The following VAV2 variants were observed in gnomAD, a reference collection of about 807,000 sequenced individuals.
The protein encoded by VAV2 is guanine nucleotide exchange factor VAV2.
In VAV2, 67 loss-of-function variants were observed where a neutral mutation model predicts 132.5. The observed-to-expected ratio is 0.51, with a 90% CI of 0.42 to 0.62. The LOEUF is 0.62. Ranked by LOEUF, VAV2 falls within the 20% of genes least tolerant of loss-of-function variation. VAV2 has a pLI of 0.00. For synonymous variants in VAV2, 492 were observed against 443.5 expected (o/e 1.11, Z -1.37); for missense variants, 938 against 1,153.6 (o/e 0.81, Z 2.71).
intron 15 of VAV2, 59 bp from the exon 16 acceptor site, chr9:133,787,319 C>T (rs1185750045): frequency 4.6e-6 from 7 of 1,513,526 alleles, no homozygotes; most frequent in African/African-American, 2.8e-5. Flanking sequence ...TAAGCCCGGC[C>T]CTGTGGTGGG....
chr9:133,807,788 G>A (rs1011940892), intron 7 of VAV2, among the ~76,000 whole-genome samples: 10 of 152,238 alleles, frequency 6.6e-5, no homozygotes, highest in African/African-American at 9.6e-5. Flanking sequence ...TCTCCACCCC[G>A]AGGAGTGCCG....
intron 1 of VAV2, among the ~76,000 whole-genome samples, chr9:133,974,924 C>T (rs1842457206): frequency 6.6e-6 from 1 of 151,084 alleles, no homozygotes; most frequent in African/African-American, 2.4e-5. Context: ...AGGTCTGTAC[C>T]TTGTGGTACC....
intron 4 of VAV2, among the ~76,000 whole-genome samples, chr9:133,814,225 A>ACTGC (rs1409839601): frequency 6.6e-6 from 1 of 152,132 alleles, no homozygotes; most frequent in Non-Finnish European, 1.5e-5. Context: ...AGGTCCGGCG[A>ACTGC]CTGCCTTAGA....
In VAV2 at chr9:133,769,283, C is replaced by T; in HGVS notation, c.2434+134G>A. On this transcript the variant is annotated intron_variant, in intron 28 of 29. Transcript: ENST00000371850. This position sits in a 1 kb window ranked among gnomAD's most constrained non-coding sequence, Gnocchi z 8.1. ...GGCCTCCCCAGCCCCTTTCTCCCCT[C>T]CACCCAGTGCCAGACTGCGGACAAC... The T allele has an allele frequency of 1.0e-6, 1 of 975,042 alleles. No homozygotes were observed. Among genetic ancestry groups the T allele is most frequent in the Non-Finnish European group, 1.5e-6 (1 of 668,118 alleles). 60.4% of individuals were successfully genotyped at this position (975,042 alleles called of 1,614,324 possible).
At chr9:133,820,166 G>A (rs576096313) in intron 4 of VAV2, among the ~76,000 whole-genome samples, 6 of 152,252 alleles carry the variant, frequency 3.9e-5, no homozygotes, top group Non-Finnish European at 5.9e-5. Flanking sequence ...TCCCAGGTAC[G>A]GAACAGATCC....
chr9:133,797,962 C>T (rs1032625258), intron 9 of VAV2, among the ~76,000 whole-genome samples, 153 bp from the exon 10 acceptor site: 47 of 152,212 alleles, frequency 3.1e-4, no homozygotes, highest in South Asian at 4.1e-4. Flanking sequence ...ATTCAACGGC[C>T]AGGAGGCTGC....
chr9:133,780,257 C>G (rs1196249531), intron 20 of VAV2, among the ~76,000 whole-genome samples: 1 of 152,226 alleles, frequency 6.6e-6, no homozygotes, highest in Non-Finnish European at 1.5e-5. Flanking sequence ...ATCTGGGACA[C>G]ACAGTGCCAA....
In VAV2 at chr9:133,992,113, C is replaced by T; in HGVS notation, c.166G>A (p.Asp56Asn). The change falls in exon 1 of 30, where the codon GAC becomes AAC. Residue 56 changes from aspartate to asparagine, a missense_variant. Transcript: ENST00000371850. This position sits in a 1 kb window ranked among gnomAD's most constrained non-coding sequence, Gnocchi z 5.5. ...GGCCGGAAGTTGATGTCCTTGAGGT[C>T]GATGGAGCCGGGGGAGAGGTTGTGC... Reference protein sequence around the residue: ...LLHNLSPGSIDLKDINFRPQM... With the variant: ...LLHNLSPGSINLKDINFRPQM... 6.3e-7 allele frequency: 1 copy of T among 1,591,222 alleles called. No homozygotes were observed. Among genetic ancestry groups the T allele is most frequent in the Non-Finnish European group, 8.5e-7 (1 of 1,169,832 alleles).
intron 2 of VAV2, among the ~76,000 whole-genome samples, chr9:133,911,361 A>C (rs1839879472): frequency 6.6e-6 from 1 of 152,172 alleles, no homozygotes; most frequent in South Asian, 2.1e-4. Context: ...TGCACACGTG[A>C]AATGCGGCTG....
chr9:133,796,824 CT>C (rs1178803275), intron 10 of VAV2, among the ~76,000 whole-genome samples: 1 of 152,234 alleles, frequency 6.6e-6, no homozygotes, highest in Non-Finnish European at 1.5e-5. Flanking sequence ...TGGATGTGGC[CT>C]TGACTCTTCC....
intron 1 of VAV2, among the ~76,000 whole-genome samples, chr9:133,948,757 G>A (rs1041298984): frequency 1.3e-5 from 2 of 152,220 alleles, no homozygotes; most frequent in African/African-American, 2.4e-5. Context: ...CGCTGAGTCC[G>A]TGCCTGGCGC....
At chr9:133,895,842 A>G (rs1839177422) in intron 2 of VAV2, among the ~76,000 whole-genome samples, 1 of 152,136 alleles carries the variant, frequency 6.6e-6, no homozygotes, top group Non-Finnish European at 1.5e-5. Context: ...CAAGAACATC[A>G]GCTTTCTACA....
Position 133,820,323 on chromosome 9 carries a change from C to CTTT in VAV2, c.450-8110_450-8108dup, listed in dbSNP as rs1410223095. ...CATCTCCATAAACAAGTTTCTTTTT[C>CTTT]TTTTTCTTTTTTTTTTTTTTGAGAC... On this transcript the variant is annotated intron_variant, in intron 4 of 29. Coordinates refer to ENST00000371850, the MANE Select transcript of VAV2 (RefSeq NM_001134398.2). Among the ~76,000 whole-genome samples the CTTT allele has an allele frequency of 8.0e-5, 12 of 149,078 alleles. 1 individual carries two copies. Among genetic ancestry groups the CTTT allele is most frequent in the African/African-American group, 2.0e-4 (8 of 39,678 alleles).
rs1014695680 is a variant in VAV2, at chr9:133,961,473, A to G, written c.205-22254T>C. On this transcript the variant is annotated intron_variant, in intron 1 of 29. Coordinates refer to ENST00000371850, the MANE Select transcript of VAV2 (RefSeq NM_001134398.2). This position sits in a 1 kb window ranked among gnomAD's most constrained non-coding sequence, Gnocchi z 4.1. ...GAGGGCCCTGGAATCCCCTTCTCCA[A>G]CCCAGTCGGGTTTCAGTGACCCAAG... Among the ~76,000 whole-genome samples, 4 of 152,094 alleles carry G rather than the reference A, an allele frequency of 2.6e-5. No homozygotes were observed. The highest frequency in any genetic ancestry group is 9.7e-5 in the African/African-American group (4 of 41,416).
intron 2 of VAV2, among the ~76,000 whole-genome samples, chr9:133,887,447 A>G (rs1838757104): frequency 6.6e-6 from 1 of 152,048 alleles, no homozygotes; most frequent in Non-Finnish European, 1.5e-5. Flanking sequence ...CCTAACTCTA[A>G]AAACAGCAAT....
chr9:133,849,206 G>T (rs1249595231), intron 3 of VAV2, among the ~76,000 whole-genome samples: 1 of 152,136 alleles, frequency 6.6e-6, no homozygotes, highest in African/African-American at 2.4e-5. Context: ...CGCCCCGAAC[G>T]CACCATGCTA....
At chr9:133,810,669 C>A (rs912871545) in intron 5 of VAV2, among the ~76,000 whole-genome samples, 5 of 152,238 alleles carry the variant, frequency 3.3e-5, no homozygotes, top group African/African-American at 1.2e-4. Flanking sequence ...ATAGGCAGCG[C>A]TGTTCCCCAG....
Position 133,969,296 on chromosome 9 carries a change from G to A in VAV2, c.204+22779C>T, listed in dbSNP as rs968285561. On this transcript the variant is annotated intron_variant, in intron 1 of 29. Coordinates refer to ENST00000371850, the MANE Select transcript of VAV2 (RefSeq NM_001134398.2). The surrounding 1 kb of genome is among the most constrained non-coding windows in gnomAD (Gnocchi z 5.1). ...CTGCTGGCATGGTAGAGAATACAAC[G>A]AACAGGGAAGGAGGGAGGATCTGGA... Among the ~76,000 whole-genome samples the A allele has an allele frequency of 6.6e-6, 1 of 152,172 alleles. No individual in the cohort carries two copies. Among genetic ancestry groups the A allele is most frequent in the Non-Finnish European group, 1.5e-5 (1 of 68,036 alleles).
chr9:133,841,921 C>T (rs572283886), intron 3 of VAV2, among the ~76,000 whole-genome samples: 67 of 152,154 alleles, frequency 4.4e-4, no homozygotes, highest in Middle Eastern at 3.4e-3. Flanking sequence ...CAGAGCCAGC[C>T]GCAGTGGGAC....
Sources: allele counts gnomAD v4.1 joint callset (sites outside exome capture counted in the v4.1 genomes callset), GRCh38; gene constraint gnomAD v4.1.1; non-coding constraint Gnocchi (gnomAD v3.1); transcripts MANE v1.5; gene names NCBI Gene and HGNC (gene_info 2026-07-23, HGNC 2026-07-21).